SORCS2: variants seen among roughly 807,000 people sequenced by gnomAD.
The protein encoded by SORCS2 is VPS10 domain-containing receptor SorCS2.
In SORCS2, 100 loss-of-function variants were observed where a neutral mutation model predicts 141.6. The observed-to-expected ratio is 0.71, with a 90% CI of 0.60 to 0.83. SORCS2 has a LOEUF of 0.83. Ranked by LOEUF, SORCS2 falls within the 40% of genes least tolerant of loss-of-function variation. The pLI is 0.00. For synonymous variants in SORCS2, 789 were observed against 676.9 expected, an observed-to-expected ratio of 1.17 and a Z score of -2.57; for missense variants, 1,646 against 1,560.2, an observed-to-expected ratio of 1.05 and a Z score of -0.93.
At chr4:7,362,237 C>T (rs2109025541) in intron 1 of SORCS2, among the ~76,000 whole-genome samples, 1 of 152,210 alleles carries the variant, frequency 6.6e-6, no homozygotes, top group Non-Finnish European at 1.5e-5. Context: ...CCTCTGAATG[C>T]CTAAGCCAGG....
At chr4:7,207,673 G>A (rs1275038120) in intron 1 of SORCS2, among the ~76,000 whole-genome samples, 1 of 152,208 alleles carries the variant, frequency 6.6e-6, no homozygotes, top group Non-Finnish European at 1.5e-5. Flanking sequence ...CTGCACTGTT[G>A]TCCCCTAATC....
chr4:7,701,124 C>A (rs550135568), intron 12 of SORCS2, among the ~76,000 whole-genome samples: 2 of 152,202 alleles, frequency 1.3e-5, no homozygotes, highest in Admixed American at 1.3e-4. Context: ...GGTGGCACCA[C>A]CCCTCTGTGT....
In SORCS2 at chr4:7,742,800, T is replaced by C. The variant is rs1275915990; in HGVS notation, c.*2536T>C. On this transcript the variant is annotated 3_prime_UTR_variant, in exon 27 of 27. Transcript: ENST00000507866. ...ATCGATGAATCATTTGTGATGCTTT[T>C]AACAAAGATTAAATGAATTTGATCA... 1 of 152,554 alleles carries C rather than the reference T, an allele frequency of 6.6e-6. No individual in the cohort carries two copies. Among genetic ancestry groups the C allele is most frequent in the Admixed American group, 6.5e-5 (1 of 15,280 alleles). 9.5% of individuals were successfully genotyped at this position (152,554 alleles called of 1,614,324 possible).
chr4:7,381,006 C>T (rs1197662541), intron 1 of SORCS2, among the ~76,000 whole-genome samples: 3 of 146,732 alleles, frequency 2.0e-5, no homozygotes, highest in East Asian at 2.0e-4. Flanking sequence ...CGCTTGAACC[C>T]GGGAGGCAGA....
At chr4:7,618,198 C>T (rs1471982479) in intron 3 of SORCS2, among the ~76,000 whole-genome samples, 4 of 152,094 alleles carry the variant, frequency 2.6e-5, no homozygotes, top group African/African-American at 7.2e-5. Flanking sequence ...GGTCCCATCC[C>T]CCTTCACGCT....
chr4:7,703,640 G>A (rs181871514), intron 13 of SORCS2, among the ~76,000 whole-genome samples: 44 of 152,306 alleles, frequency 2.9e-4, no homozygotes, highest in African/African-American at 7.0e-4. Context: ...GGCCTTCCCC[G>A]AGGAGGTGAG....
chr4:7,670,547 G>C (rs994213361), intron 8 of SORCS2, among the ~76,000 whole-genome samples: 1 of 152,204 alleles, frequency 6.6e-6, no homozygotes, highest in African/African-American at 2.4e-5. Context: ...GATCAGGTAA[G>C]ATGGCAGAGC....
chr4:7,710,779 GC>G (rs1271949188), intron 14 of SORCS2, among the ~76,000 whole-genome samples: 1 of 152,228 alleles, frequency 6.6e-6, no homozygotes, highest in Non-Finnish European at 1.5e-5. Flanking sequence ...GCGGACGGAC[GC>G]GGCAGAGTCA....
At chr4:7,436,878 G>C (rs1727339643) in intron 2 of SORCS2, among the ~76,000 whole-genome samples, 1 of 152,192 alleles carries the variant, frequency 6.6e-6, no homozygotes. Flanking sequence ...TCTTATGGAG[G>C]AGCGGCACGG....
intron 3 of SORCS2, among the ~76,000 whole-genome samples, chr4:7,564,753 AG>A (rs1253111580): frequency 6.6e-6 from 1 of 152,254 alleles, no homozygotes; most frequent in African/African-American, 2.4e-5. Flanking sequence ...GCTCTACAGA[AG>A]ACAGGCCCCA....
chr4:7,433,893 A>C, intron 2 of SORCS2: 1 of 1,613,826 alleles, frequency 6.2e-7, no homozygotes, highest in South Asian at 1.1e-5. Context: ...TGATAGAGGC[A>C]GGCATTACCG....
chr4:7,371,383 C>T (rs932610588), intron 1 of SORCS2, among the ~76,000 whole-genome samples: 21 of 152,282 alleles, frequency 1.4e-4, no homozygotes, highest in Admixed American at 1.0e-3. Context: ...GTTTCCATGG[C>T]GATGTCCGTT....
chr4:7,707,647 C>T (rs966550180), intron 14 of SORCS2, among the ~76,000 whole-genome samples: 4 of 152,246 alleles, frequency 2.6e-5, no homozygotes, highest in Non-Finnish European at 5.9e-5. Flanking sequence ...GTGGCTGTGC[C>T]CTGCCCCAGG....
chr4:7,534,643 G>C (rs1400574715), intron 3 of SORCS2, among the ~76,000 whole-genome samples: 2 of 152,200 alleles, frequency 1.3e-5, no homozygotes, highest in South Asian at 2.1e-4. Flanking sequence ...CAGGCCTGCA[G>C]GGGGAGCTGG....
chr4:7,734,331 G>C lies in SORCS2; in HGVS notation c.3268G>C (p.Gly1090Arg), dbSNP rs2148899365. Residue 1090 changes from glycine (G) to arginine (R), a missense_variant, in exon 25 of 27, where the codon GGG becomes CGG. Physicochemically the swap from Gly to Arg is moderately radical, Grantham distance 125 (BLOSUM62 -2). Coordinates refer to ENST00000507866, the MANE Select transcript of SORCS2 (RefSeq NM_020777.3). ...GGCGGTAGTGGTGCTGTTTGTCATC[G>C]GGCTCTTCGCAGCGGGAGCCTTCAT... ...YWAVVVLFVI[G>R]LFAAGAFILY... is the part of the protein sequence containing the mutation. 5 of 1,597,458 alleles carry C rather than the reference G, an allele frequency of 3.1e-6. No homozygotes were observed. Among genetic ancestry groups the C allele is most frequent in the African/African-American group, 1.3e-5 (1 of 74,696 alleles).
intron 3 of SORCS2, among the ~76,000 whole-genome samples, chr4:7,636,519 C>A (rs994449525): frequency 6.6e-6 from 1 of 152,050 alleles, no homozygotes; most frequent in Non-Finnish European, 1.5e-5. Context: ...TTTTGTCTGC[C>A]GCCTTGTCTG....
chr4:7,667,084 G>C, intron 7 of SORCS2, 40 bp from the exon 8 acceptor site: 1 of 1,534,626 alleles, frequency 6.5e-7, no homozygotes, highest in Non-Finnish European at 9.0e-7. Flanking sequence ...GCTGGAGAGG[G>C]AATCAAGCCT....
chr4:7,724,675 GT>G lies in SORCS2; in HGVS notation c.2612-478del, dbSNP rs1462522024. Among the ~76,000 whole-genome samples the G allele has an allele frequency of 4.6e-4, 67 of 144,568 alleles. 11 individuals carry two copies. The highest frequency in any genetic ancestry group is 1.5e-3 in the South Asian group (7 of 4,560). 94.8% of individuals were successfully genotyped at this position (144,568 alleles called of 152,430 possible). On this transcript the variant is annotated intron_variant, in intron 19 of 26. Transcript: ENST00000507866. ...GGTGGTAGTTATGGTGATAATGGTG[GT>G]AGTGGTGATGGTGGTGGTGTTGGTG...
In SORCS2 at chr4:7,612,267, G is replaced by C. The variant is rs10001358; in HGVS notation, c.649-26061G>C. 7.5e-3 allele frequency among the ~76,000 whole-genome samples: 1,135 copies of C among 152,264 alleles called. 15 individuals are homozygous for C. Among genetic ancestry groups the C allele is most frequent in the African/African-American group, 0.026 (1,068 of 41,558 alleles). On this transcript the variant is annotated intron_variant, in intron 3 of 26. Coordinates refer to ENST00000507866, the MANE Select transcript of SORCS2 (RefSeq NM_020777.3). ...AAAATGGCTTTTGGGAGGTCACAGG[G>C]GTGAAAGGACGGTGGCTTGGGTCTG...
Sources: gnomAD v4.1 joint callset for allele counts (sites outside exome capture counted in the v4.1 genomes callset) on GRCh38, gnomAD v4.1.1 for gene constraint, MANE v1.5 for transcripts, NCBI Gene and HGNC (gene_info 2026-07-23, HGNC 2026-07-21) for gene names.